The following GRID1 variants were observed in gnomAD, a reference collection of about 807,000 sequenced individuals.
GRID1 encodes the protein glutamate receptor ionotropic, delta-1.
A neutral mutation model predicts 98.0 loss-of-function variants in GRID1; 28 were observed. The ratio of observed to expected loss-of-function variants is 0.29; its 90% confidence interval spans 0.21 to 0.39. The LOEUF (loss-of-function observed/expected upper bound fraction) is 0.39. Ranked by LOEUF, GRID1 falls within the 10% of genes least tolerant of loss-of-function variation. The probability of loss-of-function intolerance (pLI) is 1.00; values close to 1 mark genes in which losing one functional copy is unlikely to be tolerated. For missense variants in GRID1, 1,111 were observed against 1,340.5 expected (o/e 0.83, Z 2.67); for synonymous variants, 553 against 538.5 (o/e 1.03, Z -0.37).
At chr10:85,636,537 G>C (rs1843044458) in intron 13 of GRID1, among the ~76,000 whole-genome samples, 1 of 152,122 alleles carries the variant, frequency 6.6e-6, no homozygotes, top group South Asian at 2.1e-4. Context: ...AGGAAAAAAA[G>C]ATTGAAAAGA....
chr10:86,324,262 G>A (rs759271006), intron 2 of GRID1, among the ~76,000 whole-genome samples: 4 of 152,134 alleles, frequency 2.6e-5, no homozygotes, highest in Admixed American at 6.5e-5. Context: ...GATACAGCTC[G>A]GGGCAGAAGG....
intron 3 of GRID1, among the ~76,000 whole-genome samples, chr10:86,184,334 G>A (rs555968557): frequency 6.6e-6 from 1 of 152,014 alleles, no homozygotes; most frequent in Admixed American, 6.5e-5. Context: ...CTAACCTAGG[G>A]TCACAATGAT....
At chr10:85,841,298 T>C (rs1258097040) in intron 8 of GRID1, among the ~76,000 whole-genome samples, 1 of 152,134 alleles carries the variant, frequency 6.6e-6, no homozygotes, top group African/African-American at 2.4e-5. Flanking sequence ...AGATTGAAAC[T>C]GGACTCCTTC....
chr10:85,667,512 C>T (rs1426520453), intron 12 of GRID1, among the ~76,000 whole-genome samples: 1 of 152,202 alleles, frequency 6.6e-6, no homozygotes, highest in Non-Finnish European at 1.5e-5. Flanking sequence ...TTATTATTCT[C>T]AGTCTACAGA....
chr10:86,070,922 A>C (rs894287683), intron 4 of GRID1, among the ~76,000 whole-genome samples: 20 of 152,276 alleles, frequency 1.3e-4, no homozygotes, highest in Non-Finnish European at 2.1e-4. Flanking sequence ...CCCTCCCTGC[A>C]AGCCACTGAA....
intron 5 of GRID1, among the ~76,000 whole-genome samples, chr10:85,915,235 CAT>C (rs1564625590): frequency 6.6e-6 from 1 of 152,078 alleles, no homozygotes; most frequent in African/African-American, 2.4e-5. Flanking sequence ...CACAAACACA[CAT>C]GCACATACAA....
intron 12 of GRID1, among the ~76,000 whole-genome samples, chr10:85,685,699 A>T (rs997683769): frequency 6.6e-6 from 1 of 152,196 alleles, no homozygotes; most frequent in African/African-American, 2.4e-5. Context: ...ACAGAGATAG[A>T]CAGACCAAAG....
At chr10:86,069,688 A>G (rs962528902) in intron 4 of GRID1, among the ~76,000 whole-genome samples, 1 of 152,210 alleles carries the variant, frequency 6.6e-6, no homozygotes, top group African/African-American at 2.4e-5. Context: ...CTTCCCCGAC[A>G]TCCTGAACGG....
At chr10:85,633,223 G>A (rs1390622209) in intron 13 of GRID1, among the ~76,000 whole-genome samples, 1 of 152,002 alleles carries the variant, frequency 6.6e-6, no homozygotes, top group Non-Finnish European at 1.5e-5. Context: ...AGCCACCATG[G>A]CTGGCTCTTT....
intron 4 of GRID1, among the ~76,000 whole-genome samples, chr10:86,042,191 C>T (rs1167510195): frequency 6.6e-6 from 1 of 152,240 alleles, no homozygotes. Context: ...AAGCCACCTT[C>T]CTTCCAGAAA....
intron 3 of GRID1, among the ~76,000 whole-genome samples, chr10:86,170,590 C>T (rs1255450527): frequency 6.6e-6 from 1 of 152,234 alleles, no homozygotes; most frequent in African/African-American, 2.4e-5. Context: ...CAGTGAACCA[C>T]AAAGAAGCAT....
intron 8 of GRID1, among the ~76,000 whole-genome samples, chr10:85,824,711 G>A (rs1842803630): frequency 6.6e-6 from 1 of 151,878 alleles, no homozygotes; most frequent in Non-Finnish European, 1.5e-5. Flanking sequence ...CAACCTTCCA[G>A]TCTTCTGAGT....
chr10:86,207,199 G>GA (rs1846038636), intron 2 of GRID1, among the ~76,000 whole-genome samples: 1 of 151,846 alleles, frequency 6.6e-6, no homozygotes, highest in Non-Finnish European at 1.5e-5. Flanking sequence ...CAAGATGTAG[G>GA]AAAAAAATAA....
At chr10:85,775,768 C>T (rs1275760606) in intron 8 of GRID1, among the ~76,000 whole-genome samples, 2 of 151,862 alleles carry the variant, frequency 1.3e-5, no homozygotes, top group African/African-American at 4.8e-5. Flanking sequence ...ATATCTATTC[C>T]AATTTATTTG....
chr10:85,803,299 T>G (rs1842594200), intron 8 of GRID1, among the ~76,000 whole-genome samples: 1 of 152,154 alleles, frequency 6.6e-6, no homozygotes, highest in Non-Finnish European at 1.5e-5. Flanking sequence ...CATGATGTAA[T>G]TATTTCACAG....
chr10:86,126,494 T>C (rs1844755896), intron 4 of GRID1, among the ~76,000 whole-genome samples: 1 of 152,090 alleles, frequency 6.6e-6, no homozygotes, highest in Non-Finnish European at 1.5e-5. Flanking sequence ...TAGGAACTCC[T>C]AGGACCACTG....
At chr10:85,657,219 T>C (rs1045957940) in intron 12 of GRID1, among the ~76,000 whole-genome samples, 12 of 152,164 alleles carry the variant, frequency 7.9e-5, no homozygotes, top group African/African-American at 2.7e-4. Context: ...CCTTACATTA[T>C]ATGATAAAAA....
chr10:86,158,056 C>A (rs530596004), intron 3 of GRID1, among the ~76,000 whole-genome samples: 11 of 152,308 alleles, frequency 7.2e-5, no homozygotes, highest in African/African-American at 2.6e-4. Context: ...CATTTCATGC[C>A]AGACTTGTCC....
intron 8 of GRID1, among the ~76,000 whole-genome samples, chr10:85,741,809 T>A (rs1841945986): frequency 6.6e-6 from 1 of 152,118 alleles, no homozygotes. Context: ...TCACACTTTC[T>A]ACCTCGCTCA....
Sources: gnomAD v4.1 joint callset for allele counts (sites outside exome capture counted in the v4.1 genomes callset) on GRCh38, gnomAD v4.1.1 for gene constraint, MANE v1.5 for transcripts, NCBI Gene and HGNC (gene_info 2026-07-23, HGNC 2026-07-21) for gene names.